Variants in NLGN1 observed in about 807,000 individuals in gnomAD.
NLGN1 encodes the protein neuroligin 1, also known as neuroligin-1.
NLGN1 carries 12 observed loss-of-function variants against 65.5 expected under a neutral mutation model. The ratio of observed to expected loss-of-function variants is 0.18; its 90% confidence interval spans 0.12 to 0.30. NLGN1 has a LOEUF of 0.30. Among genes scored for constraint, NLGN1 ranks in the 10% least tolerant of loss-of-function variants. The probability of loss-of-function intolerance (pLI) is 1.00; values close to 1 mark genes in which losing one functional copy is unlikely to be tolerated. For missense variants in NLGN1, 750 were observed against 1,007.1 expected (o/e 0.74, Z 3.46); for synonymous variants, 350 against 359.5 (o/e 0.97, Z 0.30).
intron 4 of NLGN1, among the ~76,000 whole-genome samples, chr3:174,035,140 C>T (rs1730854650): frequency 6.6e-6 from 1 of 152,052 alleles, no homozygotes; most frequent in African/African-American, 2.4e-5. Flanking sequence ...TAATTTATTC[C>T]TCTTGAAAAT....
chr3:174,007,067 CAAAAATAA>C (rs1724575361), intron 4 of NLGN1, among the ~76,000 whole-genome samples: 1 of 151,676 alleles, frequency 6.6e-6, no homozygotes, highest in Admixed American at 6.6e-5. Context: ...GACTTCATCT[CAAAAATAA>C]AAAAATAAAA....
At chr3:173,636,634 T>C (rs998271124) in intron 3 of NLGN1, among the ~76,000 whole-genome samples, 2 of 152,170 alleles carry the variant, frequency 1.3e-5, no homozygotes, top group Admixed American at 6.6e-5. Flanking sequence ...GTTCATGGTT[T>C]GGAATTTCAA....
intron 4 of NLGN1, among the ~76,000 whole-genome samples, chr3:174,270,291 T>A (rs1749158396): frequency 6.6e-6 from 1 of 151,652 alleles, no homozygotes; most frequent in Non-Finnish European, 1.5e-5. Flanking sequence ...TTAATAGTTT[T>A]GGGTTTTTTC....
intron 4 of NLGN1, among the ~76,000 whole-genome samples, chr3:174,107,001 CACACACACACACACACAG>C (rs1168000214): frequency 8.7e-6 from 1 of 115,028 alleles, no homozygotes; most frequent in African/African-American, 4.1e-5. Context: ...CACACACACA[CACACACACACACACACAG>C]AGAGAGAGAG....
intron 4 of NLGN1, among the ~76,000 whole-genome samples, chr3:174,269,621 G>A (rs1486731220): frequency 1.3e-5 from 2 of 151,660 alleles, no homozygotes; most frequent in African/African-American, 4.8e-5. Flanking sequence ...GCTTCCTCTT[G>A]GCTATTATAA....
chr3:174,021,980 G>T (rs529406441), intron 4 of NLGN1, among the ~76,000 whole-genome samples: 7 of 152,194 alleles, frequency 4.6e-5, no homozygotes, highest in Non-Finnish European at 1.0e-4. Context: ...AGTTAAAGGG[G>T]CAGAAATCTG....
chr3:174,233,963 C>A (rs577884855), intron 4 of NLGN1, among the ~76,000 whole-genome samples: 1 of 152,024 alleles, frequency 6.6e-6, no homozygotes, highest in Non-Finnish European at 1.5e-5. Context: ...CATACAGTTT[C>A]TTTTTCTTTT....
intron 3 of NLGN1, among the ~76,000 whole-genome samples, chr3:173,640,934 C>G (rs1757319591): frequency 6.6e-6 from 1 of 152,230 alleles, no homozygotes. Context: ...ATTTATGATA[C>G]TATATATTTG....
At chr3:174,128,558 T>G (rs893806753) in intron 4 of NLGN1, among the ~76,000 whole-genome samples, 1 of 152,184 alleles carries the variant, frequency 6.6e-6, no homozygotes, top group Non-Finnish European at 1.5e-5. Flanking sequence ...TCTGATTGAA[T>G]GGCGATTATT....
At chr3:173,554,807 A>G (rs754566365) in intron 2 of NLGN1, among the ~76,000 whole-genome samples, 29 of 152,188 alleles carry the variant, frequency 1.9e-4, no homozygotes, top group Non-Finnish European at 4.0e-4. Context: ...GAAATCTCTC[A>G]AACTGTTTTT....
chr3:173,911,121 A>G (rs1739500394), intron 4 of NLGN1, among the ~76,000 whole-genome samples: 1 of 152,230 alleles, frequency 6.6e-6, no homozygotes, highest in Admixed American at 6.5e-5. Flanking sequence ...ACAAACTGTT[A>G]TAATATCCAA....
intron 3 of NLGN1, among the ~76,000 whole-genome samples, chr3:173,799,810 A>C (rs902224904): frequency 9.9e-5 from 15 of 152,058 alleles, no homozygotes; most frequent in African/African-American, 3.6e-4. Context: ...CTTAAAAAAA[A>C]GAAGAAAATA....
intron 3 of NLGN1, among the ~76,000 whole-genome samples, chr3:173,610,390 A>G (rs550545015): frequency 6.6e-6 from 1 of 152,088 alleles, no homozygotes; most frequent in African/African-American, 2.4e-5. Flanking sequence ...CAAGACATCA[A>G]AAAGCCAGTT....
At chr3:173,642,045 CAT>C (rs1243790264) in intron 3 of NLGN1, among the ~76,000 whole-genome samples, 6 of 148,454 alleles carry the variant, frequency 4.0e-5, no homozygotes, top group African/African-American at 5.0e-5. Flanking sequence ...TCTCTTTCTC[CAT>C]ATATATATAT....
At chr3:173,827,629 A>ATGTGTG (rs59670610) in intron 4 of NLGN1, among the ~76,000 whole-genome samples, 4,774 of 146,912 alleles carry the variant, frequency 0.032, 221 homozygotes, top group African/African-American at 0.1. Flanking sequence ...TATTTATGAT[A>ATGTGTG]TGTGTGTGTG....
chr3:173,739,133 A>G (rs146372513), intron 3 of NLGN1, among the ~76,000 whole-genome samples: 3 of 152,138 alleles, frequency 2.0e-5, no homozygotes, highest in African/African-American at 7.2e-5. Flanking sequence ...GCAGGAACTC[A>G]TGAGTCGTAC....
At chr3:173,864,884 A>T (rs145027934) in intron 4 of NLGN1, among the ~76,000 whole-genome samples, 1 of 152,190 alleles carries the variant, frequency 6.6e-6, no homozygotes, top group Admixed American at 6.5e-5. Context: ...AGAGATGGAA[A>T]ACCTAGAATG....
chr3:173,819,703 G>T (rs1363322247), intron 4 of NLGN1, among the ~76,000 whole-genome samples: 1 of 152,036 alleles, frequency 6.6e-6, no homozygotes, highest in African/African-American at 2.4e-5. Flanking sequence ...TACTTGTTAT[G>T]GTTATGTATA....
chr3:173,994,373 G>T (rs1461453422), intron 4 of NLGN1, among the ~76,000 whole-genome samples: 1 of 148,692 alleles, frequency 6.7e-6, no homozygotes, highest in East Asian at 2.0e-4. Context: ...GGGATAACAG[G>T]CACGAGCCAC....
Sources: allele counts gnomAD v4.1 joint callset (sites outside exome capture counted in the v4.1 genomes callset), GRCh38; gene constraint gnomAD v4.1.1; transcripts MANE v1.5; gene names NCBI Gene and HGNC (gene_info 2026-07-23, HGNC 2026-07-21).